INPP5B: variants seen among roughly 807,000 people sequenced by gnomAD.
The protein encoded by INPP5B is inositol polyphosphate-5-phosphatase B, also known as type II inositol 1,4,5-trisphosphate 5-phosphatase.
INPP5B carries 90 observed loss-of-function variants against 118.5 expected under a neutral mutation model. That is an observed-to-expected ratio of 0.76 (90% CI 0.64 to 0.90). The LOEUF is 0.90. INPP5B is among the 40% of genes least tolerant of loss of function. INPP5B has a pLI of 0.00. For synonymous variants in INPP5B, 385 were observed against 418.9 expected (o/e 0.92, Z 0.99); for missense variants, 984 against 1,125.6 (o/e 0.87, Z 1.80).
At chr1:37,870,018 C>CT (rs1642311625) in intron 19 of INPP5B, 1 of 151,674 alleles carries the variant, frequency 6.6e-6, no homozygotes, top group African/African-American at 2.4e-5. Context: ...TGATAACCTA[C>CT]CGATGATGAT....
chr1:37,893,791 G>C (rs1207064611), intron 7 of INPP5B, among the ~76,000 whole-genome samples: 2 of 152,166 alleles, frequency 1.3e-5, no homozygotes, highest in African/African-American at 2.4e-5. Context: ...ACTCACCACA[G>C]TCCTTCAGCC....
rs1053493791 is a variant in INPP5B at position 37,931,636 on chromosome 1, C to T, written c.532+277G>A. ...GGCCGGGCGCACCGCCGCCCCCGGCCCAGCTCCCCAGCCCAGCTTCCCGCC... is the reference window on the plus strand; with the variant it reads ...GGCCGGGCGCACCGCCGCCCCCGGCTCAGCTCCCCAGCCCAGCTTCCCGCC... On this transcript the variant is annotated intron_variant, in intron 7 of 23. Coordinates refer to ENST00000373024, the MANE Select transcript of INPP5B (RefSeq NM_005540.3). The T allele has an allele frequency of 3.1e-5, 47 of 1,535,026 alleles. 1 individual carries two copies. The East Asian group carries it at 1.1e-3, about 34-fold the overall frequency.
At chr1:37,941,410 G>A (rs992413857) in intron 5 of INPP5B, among the ~76,000 whole-genome samples, 1 of 152,084 alleles carries the variant, frequency 6.6e-6, no homozygotes, top group African/African-American at 2.4e-5. Context: ...CACTTTGGGA[G>A]GCCAGGGCAG....
chr1:37,887,261 A>T, intron 11 of INPP5B, 90 bp downstream of exon 11: 1 of 883,718 alleles, frequency 1.1e-6, no homozygotes, highest in Non-Finnish European at 1.8e-6. Flanking sequence ...AGACTGGCTT[A>T]AGATAAAGGT....
chr1:37,932,820 A>G (rs1028063362), intron 6 of INPP5B, among the ~76,000 whole-genome samples: 1 of 152,194 alleles, frequency 6.6e-6, no homozygotes, highest in Non-Finnish European at 1.5e-5. Flanking sequence ...AGCCCACTCC[A>G]GAGAAACACA....
intron 19 of INPP5B, among the ~76,000 whole-genome samples, chr1:37,869,212 C>CG (rs1250057024): frequency 2.6e-5 from 4 of 151,594 alleles, no homozygotes; most frequent in Middle Eastern, 3.4e-3. Context: ...AGGCTGGTCT[C>CG]GAACTCCTGA....
At chr1:37,910,819 C>G (rs1208195742) in intron 7 of INPP5B, among the ~76,000 whole-genome samples, 1 of 152,160 alleles carries the variant, frequency 6.6e-6, no homozygotes, top group Non-Finnish European at 1.5e-5. Flanking sequence ...TCTTGCCTAT[C>G]CACCCTGTGG....
At chr1:37,886,842 G>A in intron 12 of INPP5B, 46 bp downstream of exon 12, 1 of 1,401,902 alleles carries the variant, frequency 7.1e-7, no homozygotes, top group Non-Finnish European at 1.0e-6. Context: ...CAATACCTCA[G>A]GAGCTAAGGT....
chr1:37,885,335 A>T (rs984258971), intron 13 of INPP5B, among the ~76,000 whole-genome samples: 1 of 151,928 alleles, frequency 6.6e-6, no homozygotes, highest in Non-Finnish European at 1.5e-5. Flanking sequence ...AACGGTATGA[A>T]CCTGGGAGGC....
Position 37,865,051 on chromosome 1 carries a change from G to A in INPP5B, c.2515-628C>T, listed in dbSNP as rs1403450384. Among the ~76,000 whole-genome samples, 15 of 152,248 alleles carry A rather than the reference G, an allele frequency of 9.9e-5. No homozygotes were observed. The East Asian group carries it at 2.7e-3, about 27-fold the overall frequency. On this transcript the variant is annotated intron_variant, in intron 22 of 23. Coordinates refer to ENST00000373024, the MANE Select transcript of INPP5B (RefSeq NM_005540.3). ...AAAATACAAAAATTAGCCAGGCATG[G>A]TGGTGCACGCCTGTAATCCCAGCTA... is the stretch of plus-strand genomic sequence containing the variant.
chr1:37,890,698 G>A (rs2148520165), intron 8 of INPP5B, among the ~76,000 whole-genome samples: 1 of 152,212 alleles, frequency 6.6e-6, no homozygotes, highest in Admixed American at 6.5e-5. Context: ...GAATGAAAGA[G>A]TGAAATCAAA....
At chr1:37,894,840 C>T (rs1473158084) in intron 7 of INPP5B, among the ~76,000 whole-genome samples, 1 of 152,166 alleles carries the variant, frequency 6.6e-6, no homozygotes, top group African/African-American at 2.4e-5. Context: ...CTATACCCGG[C>T]CCCTGTGTGC....
chr1:37,923,879 G>A (rs2148641481), intron 7 of INPP5B, among the ~76,000 whole-genome samples: 1 of 151,844 alleles, frequency 6.6e-6, no homozygotes, highest in South Asian at 2.1e-4. Context: ...GGGTTCAAGT[G>A]ATTCTTCTGT....
chr1:37,942,356 C>G (rs1323406585), intron 5 of INPP5B: 1 of 151,276 alleles, frequency 6.6e-6, no homozygotes, highest in African/African-American at 2.4e-5. Context: ...ATGGCGTGAA[C>G]CCGGGAGGTG....
intron 15 of INPP5B, among the ~76,000 whole-genome samples, chr1:37,879,757 C>G (rs1403515561): frequency 1.3e-5 from 2 of 151,968 alleles, no homozygotes; most frequent in Non-Finnish European, 2.9e-5. Flanking sequence ...GACTCTGTCT[C>G]AAAACAAACA....
At chr1:37,931,144 T>G (rs1021610423) in intron 7 of INPP5B, 22 of 193,762 alleles carry the variant, frequency 1.1e-4, no homozygotes, top group South Asian at 7.0e-4. Flanking sequence ...TTTTATAACC[T>G]GTAACTTCAT....
At chr1:37,886,330 C>T (rs1238509102) in intron 12 of INPP5B, among the ~76,000 whole-genome samples, 2 of 151,790 alleles carry the variant, frequency 1.3e-5, no homozygotes, top group African/African-American at 4.8e-5. Flanking sequence ...GAATCCACAA[C>T]CTAACTCTCT....
Position 37,868,529 on chromosome 1 carries a change from T to C in INPP5B, c.2273A>G (p.Asp758Gly), listed in dbSNP as rs1208755937. ...CTGGACAGCATTTCGGTACAGGTAA[T>C]CAACCATCATCCAGAGCTCTTTGGG... ...EIPKELWMMVDYLYRNAVQQE... is the reference protein window; with the variant it reads ...EIPKELWMMVGYLYRNAVQQE... The change falls in exon 20 of 24, where the codon GAT becomes GGT. Residue 758 changes from aspartate to glycine, a missense_variant. Coordinates refer to ENST00000373024, the MANE Select transcript of INPP5B (RefSeq NM_005540.3). The C allele has an allele frequency of 1.2e-6, 2 of 1,613,850 alleles. No individual in the cohort carries two copies. Among genetic ancestry groups the C allele is most frequent in the East Asian group, 2.2e-5 (1 of 44,884 alleles).
In INPP5B at chr1:37,907,903, C is replaced by T. The variant is rs938876313; in HGVS notation, c.533-16449G>A. Among the ~76,000 whole-genome samples, 1 of 152,160 alleles carries T rather than the reference C, an allele frequency of 6.6e-6. No individual in the cohort carries two copies. The highest frequency in any genetic ancestry group is 1.9e-4 in the East Asian group (1 of 5,196). ...ATGGCCTGAAGCAACTGAAGATCCA[C>T]AAAAGAACTGAAAACAGCCTTAACT... On this transcript the variant is annotated intron_variant, in intron 7 of 23. Coordinates refer to ENST00000373024, the MANE Select transcript of INPP5B (RefSeq NM_005540.3). The surrounding 1 kb of genome is among the most constrained non-coding windows in gnomAD (Gnocchi z 4.3).
Sources: allele counts gnomAD v4.1 joint callset (sites outside exome capture counted in the v4.1 genomes callset), GRCh38; gene constraint gnomAD v4.1.1; non-coding constraint Gnocchi (gnomAD v3.1); transcripts MANE v1.5; gene names NCBI Gene and HGNC (gene_info 2026-07-23, HGNC 2026-07-21).